Variants in ARHGAP32 observed in about 807,000 individuals in gnomAD.
ARHGAP32 encodes rho GTPase-activating protein 32.
A neutral mutation model predicts 186.5 loss-of-function variants in ARHGAP32; 51 were observed. That is an observed-to-expected ratio of 0.27 (90% CI 0.22 to 0.35). The LOEUF is 0.35. Among genes scored for constraint, ARHGAP32 ranks in the 10% least tolerant of loss-of-function variants. The pLI is 1.00. For missense variants in ARHGAP32, 2,186 were observed against 2,623.5 expected, an observed-to-expected ratio of 0.83 and a Z score of 3.64; for synonymous variants, 950 against 964.3, an observed-to-expected ratio of 0.99 and a Z score of 0.27.
chr11:129,196,902 T>TA (rs1289494895), upstream of ARHGAP32, among the ~76,000 whole-genome samples: 1 of 151,678 alleles, frequency 6.6e-6, no homozygotes, highest in East Asian at 1.9e-4. Flanking sequence ...ACTAAAAATA[T>TA]AAAAATTAAC....
In ARHGAP32 at chr11:128,973,425, A is replaced by C. The variant is rs1430869729; in HGVS notation, c.3081T>G (p.Val1027=). The C allele has an allele frequency of 6.2e-7, 1 of 1,612,790 alleles. No homozygotes were observed. Among genetic ancestry groups the C allele is most frequent in the Non-Finnish European group, 8.5e-7 (1 of 1,179,194 alleles). ...VASGQTQTGA[V]THDPPQDSVP... is the part of the protein sequence containing the mutation. Reference sequence around the variant, plus strand: ...CGGAATCCTGAGGGGGGTCATGGGTAACTGCTCCTAGTGGGAAATTGGGAA... The same window carrying C: ...CGGAATCCTGAGGGGGGTCATGGGTCACTGCTCCTAGTGGGAAATTGGGAA... Residue 1027 remains valine, a synonymous_variant, in exon 22 of 23, where the codon GTT becomes GTG. Transcript: ENST00000682385.
intron 11 of ARHGAP32, among the ~76,000 whole-genome samples, chr11:129,010,982 T>G (rs978408729): frequency 1.2e-4 from 19 of 152,216 alleles, no homozygotes. Flanking sequence ...GAATATTAAC[T>G]ATTAATCATT....
rs545893632 is a variant in ARHGAP32 at position 129,169,357 on chromosome 11, C to T, written c.117-4930G>A. Among the ~76,000 whole-genome samples the T allele has an allele frequency of 5.3e-5, 8 of 152,056 alleles. No homozygotes were observed. The East Asian group carries it at 1.4e-3, about 26-fold the overall frequency. ...AAAAAGATTCTAAGGCTGGGCTGGG[C>T]ATGGTGGCTCAAGGCTGTAATCCCA... On this transcript the variant is annotated intron_variant, in intron 1 of 22. Transcript: ENST00000682385.
intron 1 of ARHGAP32, among the ~76,000 whole-genome samples, chr11:129,252,570 G>T (rs1431594691): frequency 6.6e-6 from 1 of 152,158 alleles, no homozygotes; most frequent in Non-Finnish European, 1.5e-5. Flanking sequence ...AGATATAAAG[G>T]GCAGCAGAAG....
intron 11 of ARHGAP32, chr11:129,030,697 G>C (rs771483065): frequency 1.3e-5 from 2 of 152,144 alleles, no homozygotes; most frequent in Non-Finnish European, 2.9e-5. Context: ...CCCCACCATG[G>C]TTCTGTGAAA....
intron 6 of ARHGAP32, among the ~76,000 whole-genome samples, chr11:129,075,337 C>T (rs866593857): frequency 1.3e-5 from 2 of 152,016 alleles, no homozygotes; most frequent in Middle Eastern, 6.8e-3. Context: ...GCAAAAATAG[C>T]TATATTTACT....
At chr11:129,253,817 G>A (rs1242380850) in intron 1 of ARHGAP32, among the ~76,000 whole-genome samples, 3 of 151,970 alleles carry the variant, frequency 2.0e-5, no homozygotes, top group Non-Finnish European at 2.9e-5. Flanking sequence ...CTCCATAAAG[G>A]TCTGTTCAAC....
At chr11:129,086,358 A>C (rs1216561604) in intron 6 of ARHGAP32, among the ~76,000 whole-genome samples, 3 of 152,230 alleles carry the variant, frequency 2.0e-5, no homozygotes, top group Admixed American at 1.3e-4. Context: ...GAGAAAATCT[A>C]GATGACCTTA....
chr11:128,995,576 C>A (rs1004302442), intron 12 of ARHGAP32, among the ~76,000 whole-genome samples: 1 of 152,194 alleles, frequency 6.6e-6, no homozygotes, highest in Non-Finnish European at 1.5e-5. Flanking sequence ...TGGTGGCTCA[C>A]GCCTGTAATC....
In ARHGAP32 at chr11:128,969,058, C is replaced by A. The variant is rs758961331; in HGVS notation, c.6155G>T (p.Gly2052Val). Residue 2052 changes from glycine (G) to valine (V), a missense_variant, in exon 23 of 23, where the codon GGA (glycine) becomes GTA (valine). This residue lies in a region of ARHGAP32 where 1,502 missense variants were observed against 1,570.0 expected (regional missense o/e 0.96). Transcript: ENST00000682385. This position sits in a 1 kb window ranked among gnomAD's most constrained non-coding sequence, Gnocchi z 4.8. ...CCCCATGCCGCCCCCTCCAAAGACTCCTCGCTGGTGCTGAGGCAGGGAGTG... is the reference window on the plus strand; with the variant it reads ...CCCCATGCCGCCCCCTCCAAAGACTACTCGCTGGTGCTGAGGCAGGGAGTG... ...DYHSLPQHQRGVFGGGGMGTY... is the reference protein window; with the variant it reads ...DYHSLPQHQRVVFGGGGMGTY... 13 of 1,612,036 alleles carry A rather than the reference C, an allele frequency of 8.1e-6. No individual in the cohort carries two copies. Among genetic ancestry groups the A allele is most frequent in the Non-Finnish European group, 1.1e-5 (13 of 1,178,598 alleles).
intron 1 of ARHGAP32, among the ~76,000 whole-genome samples, chr11:129,179,800 G>C (rs894701814): frequency 6.6e-6 from 1 of 151,854 alleles, no homozygotes; most frequent in African/African-American, 2.4e-5. Flanking sequence ...GTTGTGGGGT[G>C]GGGGGACGGG....
intron 10 of ARHGAP32, among the ~76,000 whole-genome samples, chr11:129,056,136 C>A (rs1269215298): frequency 2.0e-5 from 3 of 152,094 alleles, no homozygotes; most frequent in African/African-American, 7.2e-5. Context: ...CAGCATTTTG[C>A]TGATTCTATT....
chr11:129,209,442 A>T (rs1248847678), intron 1 of ARHGAP32, among the ~76,000 whole-genome samples: 2 of 150,712 alleles, frequency 1.3e-5, no homozygotes, highest in Non-Finnish European at 2.9e-5. Flanking sequence ...AAGATATATA[A>T]AAAAAAGTAA....
intron 1 of ARHGAP32, among the ~76,000 whole-genome samples, chr11:129,204,505 G>A (rs983924545): frequency 3.9e-5 from 6 of 152,268 alleles, no homozygotes; most frequent in Admixed American, 6.5e-5. Flanking sequence ...TTTCTCCCAC[G>A]AAACTAGTTG....
chr11:128,998,586 T>A (rs1946263857), intron 11 of ARHGAP32, 118 bp from the exon 12 acceptor site: 1 of 628,936 alleles, frequency 1.6e-6, no homozygotes, highest in Non-Finnish European at 2.4e-6. Flanking sequence ...GAATATACTT[T>A]ATAATCTTTA....
At chr11:129,110,990 C>T (rs1210611150) in intron 5 of ARHGAP32, among the ~76,000 whole-genome samples, 1 of 152,134 alleles carries the variant, frequency 6.6e-6, no homozygotes, top group African/African-American at 2.4e-5. Flanking sequence ...AAGTTGGCAT[C>T]CTTGTCTTGT....
chr11:129,253,591 C>T (rs1451015216), intron 1 of ARHGAP32, among the ~76,000 whole-genome samples: 2 of 152,064 alleles, frequency 1.3e-5, no homozygotes, highest in African/African-American at 4.8e-5. Context: ...TACTAAGAAC[C>T]TTATACTTAA....
intron 1 of ARHGAP32, among the ~76,000 whole-genome samples, chr11:129,253,482 T>C (rs1945213505): frequency 6.6e-6 from 1 of 152,082 alleles, no homozygotes; most frequent in Non-Finnish European, 1.5e-5. Flanking sequence ...TTGCATGGAG[T>C]GCAAAAGTCT....
intron 12 of ARHGAP32, among the ~76,000 whole-genome samples, chr11:128,988,967 G>A (rs1006350916): frequency 6.6e-6 from 1 of 152,192 alleles, no homozygotes; most frequent in Non-Finnish European, 1.5e-5. Context: ...ATGATCATTT[G>A]ATAGGGTTAA....
Sources: allele counts gnomAD v4.1 joint callset (sites outside exome capture counted in the v4.1 genomes callset), GRCh38; gene constraint gnomAD v4.1.1; regional missense constraint gnomAD v4.1.1; non-coding constraint Gnocchi (gnomAD v3.1); transcripts MANE v1.5; gene names NCBI Gene and HGNC (gene_info 2026-07-23, HGNC 2026-07-21).